The following CNTN4 variants were observed in gnomAD, a reference collection of about 807,000 sequenced individuals.
CNTN4 encodes the protein contactin-4.
A neutral mutation model predicts 122.5 loss-of-function variants in CNTN4; 77 were observed. The ratio of observed to expected loss-of-function variants is 0.63; its 90% CI spans 0.52 to 0.76. CNTN4 has a LOEUF of 0.76. CNTN4 is among the 30% of genes least tolerant of loss of function. CNTN4 has a pLI of 0.00. For missense variants in CNTN4, 1,256 were observed against 1,259.1 expected, an observed-to-expected ratio of 1.00 and a Z score of 0.04; for synonymous variants, 512 against 447.0, an observed-to-expected ratio of 1.15 and a Z score of -1.83.
intron 4 of CNTN4, among the ~76,000 whole-genome samples, chr3:2,705,623 T>A (rs1443131772): frequency 1.1e-5 from 1 of 87,130 alleles, no homozygotes; most frequent in Non-Finnish European, 1.9e-5. Flanking sequence ...TTATATATAA[T>A]ATATAAATAT....
intron 3 of CNTN4, among the ~76,000 whole-genome samples, chr3:2,469,704 G>A (rs994790193): frequency 6.6e-6 from 1 of 152,166 alleles, no homozygotes; most frequent in Non-Finnish European, 1.5e-5. Context: ...CATTGTGTCA[G>A]TACAAAAACA....
intron 4 of CNTN4, among the ~76,000 whole-genome samples, chr3:2,656,134 A>T (rs1457404528): frequency 6.6e-6 from 1 of 152,216 alleles, no homozygotes; most frequent in Non-Finnish European, 1.5e-5. Flanking sequence ...GGGAATTTTT[A>T]AAACAATTAA....
intron 6 of CNTN4, among the ~76,000 whole-genome samples, chr3:2,776,942 G>C (rs1324043183): frequency 6.6e-6 from 1 of 152,062 alleles, no homozygotes; most frequent in Non-Finnish European, 1.5e-5. Flanking sequence ...TCCCTAATTT[G>C]TATTCCAGGA....
intron 4 of CNTN4, among the ~76,000 whole-genome samples, chr3:2,720,837 C>T (rs2087805300): frequency 6.6e-6 from 1 of 152,198 alleles, no homozygotes. Flanking sequence ...ATAAACTGGG[C>T]TCCATTTCAC....
chr3:2,872,673 TTCTCTCTTTCTCTGTACTCTG>T (rs2093800009), intron 8 of CNTN4, among the ~76,000 whole-genome samples: 1 of 152,108 alleles, frequency 6.6e-6, no homozygotes. Flanking sequence ...GAGTTTCAAA[TTCTCTCTTTCTCTGTACTCTG>T]TCTCTCTTTC....
chr3:2,319,212 T>C (rs148986482), intron 2 of CNTN4, among the ~76,000 whole-genome samples: 22 of 152,208 alleles, frequency 1.4e-4, no homozygotes, highest in African/African-American at 5.1e-4. Flanking sequence ...ATTTTATATA[T>C]ATTATTTAAC....
chr3:2,647,179 G>A (rs367889508), intron 4 of CNTN4, among the ~76,000 whole-genome samples: 9 of 152,174 alleles, frequency 5.9e-5, no homozygotes, highest in East Asian at 5.8e-4. Flanking sequence ...TCAGGAGTTC[G>A]AGATCAGCCT....
At chr3:2,158,269 G>A (rs536076315) in intron 2 of CNTN4, among the ~76,000 whole-genome samples, 19 of 152,288 alleles carry the variant, frequency 1.2e-4, no homozygotes, top group African/African-American at 4.6e-4. Context: ...AAGAAGTTTA[G>A]ATATGTTTCT....
At chr3:2,618,286 TATATG>T (rs1265444929) in intron 4 of CNTN4, among the ~76,000 whole-genome samples, 2 of 152,148 alleles carry the variant, frequency 1.3e-5, no homozygotes. Flanking sequence ...GTATAAATAA[TATATG>T]TATATGTGTG....
chr3:2,124,089 G>GA (rs532962824), intron 2 of CNTN4, among the ~76,000 whole-genome samples: 6 of 152,092 alleles, frequency 3.9e-5, no homozygotes, highest in East Asian at 1.9e-4. Context: ...AAAATAAGGG[G>GA]AAAAAAATCA....
chr3:2,146,017 ATAAT>A (rs1490679905), intron 2 of CNTN4, among the ~76,000 whole-genome samples: 2 of 151,570 alleles, frequency 1.3e-5, no homozygotes, highest in Non-Finnish European at 2.9e-5. Context: ...CTGAGAATTG[ATAAT>A]TAACCATTTT....
At chr3:2,701,343 C>T (rs2086346723) in intron 4 of CNTN4, among the ~76,000 whole-genome samples, 1 of 152,054 alleles carries the variant, frequency 6.6e-6, no homozygotes, top group African/African-American at 2.4e-5. Context: ...CAGATGGTAC[C>T]TCTGTGGAAC....
rs1212371060 is a variant in CNTN4, at chr3:2,705,746, G to GATATATA, written c.56-30454_56-30448dup. Among the ~76,000 whole-genome samples the GATATATA allele has an allele frequency of 2.5e-3, 223 of 88,164 alleles. 2 individuals are homozygous for GATATATA. The highest frequency in any genetic ancestry group is 3.6e-3 in the Non-Finnish European group (188 of 51,670). The allele number at this position is 88,164 out of a possible 152,430, so 57.8% of individuals were successfully genotyped here. A position where few individuals can be genotyped will look rare whatever the true frequency, so the allele number is the denominator to read the frequency against. On this transcript the variant is annotated intron_variant, in intron 4 of 24. Transcript: ENST00000418658. ...CATATAAAATATATATGATATATAT[G>GATATATA]ATATATAATATATAATATATATTTA...
At chr3:2,881,457 G>A (rs2093908826) in intron 8 of CNTN4, among the ~76,000 whole-genome samples, 1 of 150,756 alleles carries the variant, frequency 6.6e-6, no homozygotes, top group Non-Finnish European at 1.5e-5. Flanking sequence ...AGGTTGCAGT[G>A]AGCCAAAATT....
At chr3:2,789,821 C>T (rs2091953157) in intron 6 of CNTN4, among the ~76,000 whole-genome samples, 1 of 152,082 alleles carries the variant, frequency 6.6e-6, no homozygotes, top group Admixed American at 6.5e-5. Flanking sequence ...TTAGAGGAGA[C>T]CTGGAAAAGT....
intron 2 of CNTN4, among the ~76,000 whole-genome samples, chr3:2,237,461 A>C (rs149971199): frequency 6.6e-6 from 1 of 152,264 alleles, no homozygotes; most frequent in East Asian, 1.9e-4. Context: ...CGACAGAGCA[A>C]GACACTGTCT....
At chr3:2,283,813 AG>A in intron 2 of CNTN4, among the ~76,000 whole-genome samples, 1 of 152,248 alleles carries the variant, frequency 6.6e-6, no homozygotes, top group Non-Finnish European at 1.5e-5. Flanking sequence ...TGTAAGGTTT[AG>A]TTTTCCTCCA....
intron 2 of CNTN4, among the ~76,000 whole-genome samples, chr3:2,237,147 A>C (rs1429657112): frequency 2.6e-5 from 4 of 152,102 alleles, no homozygotes; most frequent in Non-Finnish European, 5.9e-5. Context: ...AAGAGGGACG[A>C]TCATACTAGC....
intron 2 of CNTN4, among the ~76,000 whole-genome samples, chr3:2,167,917 G>T (rs2036273972): frequency 6.6e-6 from 1 of 152,130 alleles, no homozygotes; most frequent in Admixed American, 6.6e-5. Context: ...GAAGCAGAAG[G>T]ATCACTTGAG....
Sources: allele counts gnomAD v4.1 joint callset (sites outside exome capture counted in the v4.1 genomes callset), GRCh38; gene constraint gnomAD v4.1.1; transcripts MANE v1.5; gene names NCBI Gene and HGNC (gene_info 2026-07-23, HGNC 2026-07-21).